Variants in PPARGC1A observed in about 807,000 individuals in gnomAD.
The protein encoded by PPARGC1A is PPARG coactivator 1 alpha.
In PPARGC1A, 25 loss-of-function variants were observed where a neutral mutation model predicts 88.7. The observed-to-expected ratio is 0.28, with a 90% CI of 0.21 to 0.39. The LOEUF (loss-of-function observed/expected upper bound fraction) is 0.39, where lower values mean the gene tolerates loss of function less well. Among genes scored for constraint, PPARGC1A ranks in the 10% least tolerant of loss-of-function variants. The probability of loss-of-function intolerance (pLI) is 1.00; values close to 1 mark genes in which losing one functional copy is unlikely to be tolerated. For missense variants in PPARGC1A, 880 were observed against 968.7 expected, an observed-to-expected ratio of 0.91 and a Z score of 1.22; for synonymous variants, 363 against 355.6, an observed-to-expected ratio of 1.02 and a Z score of -0.24.
the PPARGC1A span, among the ~76,000 whole-genome samples, chr4:24,186,146 TG>T: frequency 6.6e-6 from 1 of 152,052 alleles, no homozygotes; most frequent in Non-Finnish European, 1.5e-5. Context: ...ACTTTAGCCT[TG>T]TGTGGGGCAC....
chr4:24,396,752 C>G, the PPARGC1A span, among the ~76,000 whole-genome samples: 1 of 152,140 alleles, frequency 6.6e-6, no homozygotes, highest in South Asian at 2.1e-4. Context: ...TAACCCTCTC[C>G]CTGGTACCCC....
At chr4:24,291,918 T>A in the PPARGC1A span, among the ~76,000 whole-genome samples, 1 of 152,150 alleles carries the variant, frequency 6.6e-6, no homozygotes, top group African/African-American at 2.4e-5. Flanking sequence ...AAAGCTATAG[T>A]AGCTGGGAGA....
the PPARGC1A span, among the ~76,000 whole-genome samples, chr4:24,397,944 T>C: frequency 1.4e-4 from 22 of 152,220 alleles, no homozygotes; most frequent in African/African-American, 4.8e-4. Context: ...CATCCTTATA[T>C]AGTCCCTTCC....
the PPARGC1A span, among the ~76,000 whole-genome samples, chr4:23,957,615 A>G: frequency 6.6e-6 from 1 of 152,092 alleles, no homozygotes; most frequent in African/African-American, 2.4e-5. Flanking sequence ...ACAGCATGCC[A>G]GGCACCATTC....
chr4:23,986,122 TA>T, the PPARGC1A span, among the ~76,000 whole-genome samples: 1 of 152,048 alleles, frequency 6.6e-6, no homozygotes, highest in African/African-American at 2.4e-5. Flanking sequence ...AGTTATGTAT[TA>T]AAGACTCCCT....
At chr4:23,820,266 A>C (rs963595948) in intron 7 of PPARGC1A, among the ~76,000 whole-genome samples, 16 of 152,164 alleles carry the variant, frequency 1.1e-4, no homozygotes, top group African/African-American at 3.9e-4. Context: ...TGGAGAAAAA[A>C]ATTATGAAGG....
the PPARGC1A span, among the ~76,000 whole-genome samples, chr4:24,374,121 T>A: frequency 6.6e-6 from 1 of 152,348 alleles, no homozygotes; most frequent in African/African-American, 2.4e-5. Flanking sequence ...TCCTACAACA[T>A]TCAAACTGCT....
upstream of PPARGC1A, among the ~76,000 whole-genome samples, chr4:23,905,332 C>G (rs1043976919): frequency 6.6e-5 from 10 of 152,180 alleles, no homozygotes; most frequent in African/African-American, 2.4e-4. Context: ...CATTTGAAAA[C>G]TACTTATGGC....
chr4:23,942,302 C>G, the PPARGC1A span, among the ~76,000 whole-genome samples: 1 of 152,090 alleles, frequency 6.6e-6, no homozygotes, highest in Admixed American at 6.5e-5. Flanking sequence ...GAAAATGTCC[C>G]TCTGAGAAAG....
At chr4:24,185,099 T>G in the PPARGC1A span, among the ~76,000 whole-genome samples, 53 of 152,298 alleles carry the variant, frequency 3.5e-4, no homozygotes, top group Middle Eastern at 3.4e-3. Context: ...ATTATTCTCC[T>G]CAAACACAGG....
At chr4:23,849,641 A>G (rs1275371983) in intron 2 of PPARGC1A, among the ~76,000 whole-genome samples, 2 of 152,190 alleles carry the variant, frequency 1.3e-5, no homozygotes. Context: ...AAGACTAGAG[A>G]GAATAGAACC....
At chr4:24,281,962 C>A in the PPARGC1A span, among the ~76,000 whole-genome samples, 1 of 152,148 alleles carries the variant, frequency 6.6e-6, no homozygotes, top group Non-Finnish European at 1.5e-5. Context: ...AGCAAATTGT[C>A]CAAGGAAGCA....
the PPARGC1A span, among the ~76,000 whole-genome samples, chr4:24,356,559 A>T: frequency 7.9e-5 from 12 of 152,328 alleles, no homozygotes; most frequent in Admixed American, 4.6e-4. Context: ...GACCAAGTGT[A>T]TAAGATTCTA....
chr4:24,226,946 A>G, the PPARGC1A span, among the ~76,000 whole-genome samples: 2 of 152,184 alleles, frequency 1.3e-5, no homozygotes, highest in Non-Finnish European at 2.9e-5. Flanking sequence ...AACTTCTTAT[A>G]GGATCTTTAG....
At chr4:24,145,153 G>C in the PPARGC1A span, among the ~76,000 whole-genome samples, 2 of 151,488 alleles carry the variant, frequency 1.3e-5, no homozygotes, top group Non-Finnish European at 2.9e-5. Flanking sequence ...CACAGGGTAA[G>C]CACTTTACAT....
At chr4:24,418,735 AT>A in the PPARGC1A span, among the ~76,000 whole-genome samples, 1 of 152,204 alleles carries the variant, frequency 6.6e-6, no homozygotes, top group African/African-American at 2.4e-5. Flanking sequence ...AAACATAGCT[AT>A]TACCATTTTC....
At chr4:24,014,659 T>A in the PPARGC1A span, among the ~76,000 whole-genome samples, 1 of 151,946 alleles carries the variant, frequency 6.6e-6, no homozygotes, top group African/African-American at 2.4e-5. Context: ...CTCCAGAGGG[T>A]CATCCTTCTT....
the PPARGC1A span, among the ~76,000 whole-genome samples, chr4:24,015,928 T>A: frequency 2.0e-5 from 3 of 152,084 alleles, no homozygotes; most frequent in African/African-American, 7.2e-5. Flanking sequence ...AGAGATGAGA[T>A]TGAAGTCCAT....
At chr4:23,895,159 G>GA (rs773200297) in intron 1 of PPARGC1A, among the ~76,000 whole-genome samples, 7,047 of 53,348 alleles carry the variant, frequency 0.13, 288 homozygotes, top group South Asian at 0.19. Context: ...TTGTTTAACT[G>GA]AAAAAAAAAA....
Sources: allele counts gnomAD v4.1 joint callset (sites outside exome capture counted in the v4.1 genomes callset), GRCh38; gene constraint gnomAD v4.1.1; transcripts MANE v1.5; gene names NCBI Gene and HGNC (gene_info 2026-07-23, HGNC 2026-07-21).